UGT1A9: variants seen among roughly 807,000 people sequenced by gnomAD.
UGT1A9 encodes UDP glucuronosyltransferase family 1 member A9, also known as UDP-glucuronosyltransferase 1A9.
A neutral mutation model predicts 45.0 loss-of-function variants in UGT1A9; 35 were observed. The ratio of observed to expected loss-of-function variants is 0.78; its 90% CI spans 0.59 to 1.03. UGT1A9 has a LOEUF of 1.03. Ranked by LOEUF, UGT1A9 falls within the 50% of genes least tolerant of loss-of-function variation. The pLI is 0.00. For missense variants in UGT1A9, 687 were observed against 666.6 expected (o/e 1.03, Z -0.34); for synonymous variants, 278 against 250.6 (o/e 1.11, Z -1.03).
Position 233,772,516 on chromosome 2 carries a change from A to T in UGT1A9, c.1550A>T (p.Lys517Ile). The T allele has an allele frequency of 1.2e-6, 2 of 1,614,208 alleles. No individual in the cohort carries two copies. Among genetic ancestry groups the T allele is most frequent in the Non-Finnish European group, 1.7e-6 (2 of 1,180,034 alleles). Reference protein sequence around the residue: ...CAYGYRKCLGKKGRVKKAHKS... With the variant: ...CAYGYRKCLGIKGRVKKAHKS... ...TATGGCTACCGGAAATGCTTGGGGAAAAAAGGGCGAGTTAAGAAAGCCCAC... is the reference window on the plus strand; with the variant it reads ...TATGGCTACCGGAAATGCTTGGGGATAAAAGGGCGAGTTAAGAAAGCCCAC... The change falls in exon 5 of 5, where the codon AAA becomes ATA. Residue 517 changes from lysine (K) to isoleucine (I), a missense_variant. By Grantham distance (102) the Lys-to-Ile change is moderately radical. Transcript: ENST00000354728.
intron 1 of UGT1A9, among the ~76,000 whole-genome samples, chr2:233,711,615 C>A (rs548104109): frequency 1.3e-5 from 2 of 152,312 alleles, no homozygotes; most frequent in Admixed American, 6.5e-5. Context: ...CTCTGGTGGA[C>A]AGCTCCATTC....
chr2:233,693,681 T>C, intron 1 of UGT1A9: 2 of 1,614,218 alleles, frequency 1.2e-6, no homozygotes, highest in African/African-American at 2.7e-5. Context: ...TATTGTCTGT[T>C]TTCAAAGTAT....
intron 1 of UGT1A9, chr2:233,743,733 G>A (rs949975964): frequency 8.8e-6 from 12 of 1,367,248 alleles, no homozygotes; most frequent in Admixed American, 7.6e-5. Flanking sequence ...TAGATATCGC[G>A]TTTCTTGGCG....
Position 233,769,424 on chromosome 2 carries a change from G to T in UGT1A9, c.1295+985G>T. 2 of 1,481,600 alleles carry T rather than the reference G, an allele frequency of 1.3e-6. No homozygotes were observed. The highest frequency in any genetic ancestry group is 1.8e-4 in the Middle Eastern group (1 of 5,630). 91.8% of individuals were successfully genotyped at this position (1,481,600 alleles called of 1,614,324 possible). Reference sequence around the variant, plus strand: ...ATGTGCGTGTGCGTTTGTGCATGTGGCTGTGCTCATGTGTGGGTGCACACG... The same window carrying T: ...ATGTGCGTGTGCGTTTGTGCATGTGTCTGTGCTCATGTGTGGGTGCACACG... On this transcript the variant is annotated intron_variant, in intron 4 of 4. Coordinates refer to ENST00000354728, the MANE Select transcript of UGT1A9 (RefSeq NM_021027.3). This position sits in a 1 kb window ranked among gnomAD's most constrained non-coding sequence, Gnocchi z 4.4.
chr2:233,772,501 G>A lies in UGT1A9; in HGVS notation c.1535G>A (p.Arg512Gln), dbSNP rs778667717. Residue 512 changes from arginine (R) to glutamine (Q), a missense_variant, in exon 5 of 5, where the codon CGG (arginine) becomes CAG (glutamine). Transcript: ENST00000354728. Reference protein sequence around the residue: ...ITFKCCAYGYRKCLGKKGRVK... With the variant: ...ITFKCCAYGYQKCLGKKGRVK... Reference sequence around the variant, plus strand: ...TTTAAATGTTGTGCTTATGGCTACCGGAAATGCTTGGGGAAAAAAGGGCGA... The same window carrying A: ...TTTAAATGTTGTGCTTATGGCTACCAGAAATGCTTGGGGAAAAAAGGGCGA... The A allele has an allele frequency of 1.8e-5, 29 of 1,614,036 alleles. No homozygotes were observed. The highest frequency in any genetic ancestry group is 5.5e-5 in the South Asian group (5 of 91,088).
intron 1 of UGT1A9, chr2:233,748,124 G>A (rs1575688214): frequency 6.2e-7 from 1 of 1,610,748 alleles, no homozygotes; most frequent in South Asian, 1.1e-5. Flanking sequence ...AGGCAAAACA[G>A]TTTTTAAAAA....
At chr2:233,729,252 CA>C (rs761976281) in intron 1 of UGT1A9, 199 of 1,614,124 alleles carry the variant, frequency 1.2e-4, no homozygotes, top group Non-Finnish European at 1.6e-4. Context: ...GCCACTGGCT[CA>C]GCATGCGGGA....
At chr2:233,753,439 T>G (rs1321423136) in intron 1 of UGT1A9, 3 of 152,230 alleles carry the variant, frequency 2.0e-5, no homozygotes, top group African/African-American at 7.2e-5. Flanking sequence ...TGGTTAATGA[T>G]GTGTTCAGGC....
intron 1 of UGT1A9, among the ~76,000 whole-genome samples, chr2:233,724,528 C>T (rs1239231307): frequency 1.8e-5 from 2 of 112,842 alleles, no homozygotes; most frequent in Admixed American, 1.7e-4. Flanking sequence ...GATGGGGTCT[C>T]GCCGGGCAGA....
intron 1 of UGT1A9, chr2:233,689,969 C>A (rs2074968576): frequency 2.2e-6 from 1 of 455,440 alleles, no homozygotes; most frequent in South Asian, 1.6e-5. Context: ...CTTGGAGGAA[C>A]CCACAGGCCC....
chr2:233,703,033 C>T (rs2075720547), intron 1 of UGT1A9, among the ~76,000 whole-genome samples: 3 of 152,196 alleles, frequency 2.0e-5, no homozygotes, highest in African/African-American at 7.2e-5. Flanking sequence ...GGTATTCATT[C>T]TTTACATATT....
chr2:233,725,192 A>G lies in UGT1A9; in HGVS notation c.856-41842A>G, dbSNP rs1239126007. On this transcript the variant is annotated intron_variant, in intron 1 of 4. Coordinates refer to ENST00000354728, the MANE Select transcript of UGT1A9 (RefSeq NM_021027.3). ...GGAGACCGTGGGGAGAGGCAGAGGC[A>G]GAGGCAGAGGCAGAGGCAGAGGCAG... is the stretch of plus-strand genomic sequence containing the variant. Among the ~76,000 whole-genome samples, 60 of 84,600 alleles carry G rather than the reference A, an allele frequency of 7.1e-4. 1 individual carries two copies. The highest frequency in any genetic ancestry group is 0.011 in the Middle Eastern group (2 of 180). The allele number at this position is 84,600 out of a possible 152,430, so 55.5% of individuals were successfully genotyped here.
chr2:233,705,149 AG>A (rs1246155898), intron 1 of UGT1A9, among the ~76,000 whole-genome samples: 3 of 145,754 alleles, frequency 2.1e-5, no homozygotes, highest in African/African-American at 5.2e-5. Context: ...AAAAAAAAAA[AG>A]AGAGAGAGAG....
At chr2:233,747,328 A>C in intron 1 of UGT1A9, 1 of 1,603,802 alleles carries the variant, frequency 6.2e-7, no homozygotes, top group African/African-American at 1.3e-5. Flanking sequence ...CATTGATGGC[A>C]GCCACTGGCT....
intron 1 of UGT1A9, chr2:233,729,303 G>T: frequency 6.2e-7 from 1 of 1,614,236 alleles, no homozygotes; most frequent in South Asian, 1.1e-5. Context: ...ACCAGGCAGT[G>T]GTCCTCACCC....
At chr2:233,765,774 T>C (rs944173037) in intron 1 of UGT1A9, among the ~76,000 whole-genome samples, 1 of 152,060 alleles carries the variant, frequency 6.6e-6, no homozygotes, top group Non-Finnish European at 1.5e-5. Context: ...GGGGGATTCA[T>C]TGGACCACTG....
intron 1 of UGT1A9, among the ~76,000 whole-genome samples, chr2:233,700,750 T>C (rs535938067): frequency 6.2e-4 from 94 of 152,228 alleles, no homozygotes; most frequent in Non-Finnish European, 9.3e-4. Flanking sequence ...ACTTTAAGTT[T>C]TAGGGTACAT....
In UGT1A9 at chr2:233,672,420, C is replaced by A. The variant is rs2074225961; in HGVS notation, c.486C>A (p.Ser162=). 6.2e-7 allele frequency: 1 copy of A among 1,613,894 alleles called. No individual in the cohort carries two copies. The highest frequency in any genetic ancestry group is 1.7e-5 in the Admixed American group (1 of 60,004). The part of the protein sequence containing the change: ...NCGLIVAKYF[S]LPSVVFARGI... The stretch of plus-strand genomic sequence containing the variant: ...GCTTAATTGTTGCCAAATATTTCTC[C>A]CTCCCCTCCGTGGTCTTCGCCAGGG... Residue 162 remains serine, a synonymous_variant, in exon 1 of 5, where the codon TCC becomes TCA. Transcript: ENST00000354728.
At chr2:233,729,726 C>A in intron 1 of UGT1A9, 1 of 1,613,932 alleles carries the variant, frequency 6.2e-7, no homozygotes, top group Non-Finnish European at 8.5e-7. Context: ...TACTAACAAC[C>A]AATTCAGACC....
Sources: allele counts gnomAD v4.1 joint callset (sites outside exome capture counted in the v4.1 genomes callset), GRCh38; gene constraint gnomAD v4.1.1; non-coding constraint Gnocchi (gnomAD v3.1); transcripts MANE v1.5; gene names NCBI Gene and HGNC (gene_info 2026-07-23, HGNC 2026-07-21).